The following ATP2C2 variants were observed in gnomAD, a reference collection of about 807,000 sequenced individuals.
ATP2C2 encodes calcium-transporting ATPase type 2C member 2.
A neutral mutation model predicts 110.8 loss-of-function variants in ATP2C2; 171 were observed. That is an observed-to-expected ratio of 1.54 (90% CI 1.36 to 1.75). The LOEUF is 1.75. Ranked by LOEUF, ATP2C2 falls within the 40% of genes most tolerant of loss-of-function variation. The pLI is 0.00. For missense variants in ATP2C2, 1,963 were observed against 1,235.0 expected, an observed-to-expected ratio of 1.59 and a Z score of -8.84; for synonymous variants, 804 against 508.4, an observed-to-expected ratio of 1.58 and a Z score of -7.82.
At chr16:84,410,013 C>G (rs902790138) in intron 4 of ATP2C2, among the ~76,000 whole-genome samples, 2 of 152,056 alleles carry the variant, frequency 1.3e-5, no homozygotes, top group African/African-American at 4.8e-5. Context: ...TCGAGACCAT[C>G]CTGGCCCACA....
At chr16:84,442,870 T>G (rs1909399757) in intron 15 of ATP2C2, among the ~76,000 whole-genome samples, 1 of 152,094 alleles carries the variant, frequency 6.6e-6, no homozygotes, top group Non-Finnish European at 1.5e-5. Flanking sequence ...CAGGCCCTGG[T>G]CAGGTGTTGA....
intron 22 of ATP2C2, 27 bp downstream of exon 22, chr16:84,459,215 T>C (rs777692076): frequency 6.2e-7 from 1 of 1,614,182 alleles, no homozygotes; most frequent in South Asian, 1.1e-5. Flanking sequence ...ATTCCGAGTG[T>C]CATTAAGCAC....
chr16:84,453,412 C>G, intron 20 of ATP2C2, 41 bp downstream of exon 20: 1 of 1,611,630 alleles, frequency 6.2e-7, no homozygotes. Context: ...CTGCTGGGGC[C>G]GGGCCAGAGA....
At chr16:84,384,976 G>A (rs1257141653) in intron 1 of ATP2C2, among the ~76,000 whole-genome samples, 1 of 152,232 alleles carries the variant, frequency 6.6e-6, no homozygotes, top group Non-Finnish European at 1.5e-5. Flanking sequence ...TTGAACCCAG[G>A]AGGCGGAGGT....
chr16:84,400,199 G>T (rs1905230406), intron 2 of ATP2C2, among the ~76,000 whole-genome samples: 1 of 152,004 alleles, frequency 6.6e-6, no homozygotes, highest in Non-Finnish European at 1.5e-5. Context: ...CCAAACCTTG[G>T]CTATTGTGAA....
At chr16:84,407,884 G>A (rs1365622777) in intron 3 of ATP2C2, among the ~76,000 whole-genome samples, 1 of 152,206 alleles carries the variant, frequency 6.6e-6, no homozygotes, top group Non-Finnish European at 1.5e-5. Flanking sequence ...ACCATGAGAT[G>A]TCTCTGAAAT....
rs751643113 is a variant in ATP2C2, at chr16:84,442,599, G to C, written c.1401G>C (p.Lys467Asn). The C allele has an allele frequency of 1.2e-6, 2 of 1,613,862 alleles. No homozygotes were observed. Among genetic ancestry groups the C allele is most frequent in the Admixed American group, 1.7e-5 (1 of 60,008 alleles). The change falls in exon 15 of 27, where the codon AAG (lysine) becomes AAC (asparagine). Residue 467 changes from lysine to asparagine, a missense_variant and splice_region_variant. Physicochemically the swap from Lys to Asn is moderately conservative, Grantham distance 94. Coordinates refer to ENST00000262429, the MANE Select transcript of ATP2C2 (RefSeq NM_014861.4). ...TEGALMALAM[K>N]MDLSDIKNSY... ...GTGCATTGATGGCCCTGGCGATGAAGGTAGGAGGTCCTGGGGTGGCTCTGC... is the reference window on the plus strand; with the variant it reads ...GTGCATTGATGGCCCTGGCGATGAACGTAGGAGGTCCTGGGGTGGCTCTGC...
chr16:84,412,773 C>T (rs1470867262), intron 6 of ATP2C2, among the ~76,000 whole-genome samples: 1 of 151,864 alleles, frequency 6.6e-6, no homozygotes, highest in East Asian at 1.9e-4. Flanking sequence ...CTTTCCCGAA[C>T]ATACCTGGCT....
chr16:84,395,398 G>A (rs955120094), intron 1 of ATP2C2, among the ~76,000 whole-genome samples: 1 of 152,004 alleles, frequency 6.6e-6, no homozygotes, highest in East Asian at 1.9e-4. Context: ...TCCAGAGCAC[G>A]TGACAAAGGT....
chr16:84,401,636 C>T (rs1006627874), intron 2 of ATP2C2, among the ~76,000 whole-genome samples: 2 of 152,154 alleles, frequency 1.3e-5, no homozygotes, highest in African/African-American at 4.8e-5. Flanking sequence ...AACGAGTTCA[C>T]TGTAGATGTA....
chr16:84,429,523 C>G (rs11641459), intron 11 of ATP2C2, among the ~76,000 whole-genome samples: 1 of 151,944 alleles, frequency 6.6e-6, no homozygotes, highest in African/African-American at 2.4e-5. Flanking sequence ...GTGATCTGTT[C>G]GTATCACTTT....
rs1181516626 is a variant in ATP2C2, at chr16:84,448,514, T to A, written c.1504-19T>A. On this transcript the variant is annotated intron_variant, in intron 16 of 26. Transcript: ENST00000262429. Reference sequence around the variant, plus strand: ...AGGCTTCCAGTGATAGTGGATTTCTTCCCTTTGTCTTTTCTAAGGATCAGG... The same window carrying A: ...AGGCTTCCAGTGATAGTGGATTTCTACCCTTTGTCTTTTCTAAGGATCAGG... The A allele has an allele frequency of 6.3e-7, 1 of 1,598,628 alleles. No homozygotes were observed. The highest frequency in any genetic ancestry group is 1.3e-5 in the African/African-American group (1 of 74,632).
At chr16:84,379,348 A>T (rs140682859) in intron 1 of ATP2C2, among the ~76,000 whole-genome samples, 10 of 152,190 alleles carry the variant, frequency 6.6e-5, no homozygotes, top group Non-Finnish European at 4.4e-5. Flanking sequence ...CTAATTTTTG[A>T]ACAGATGGGG....
chr16:84,460,855 T>G, intron 24 of ATP2C2, 54 bp downstream of exon 24: 1 of 1,551,686 alleles, frequency 6.4e-7, no homozygotes, highest in Non-Finnish European at 8.7e-7. Flanking sequence ...GTGCAGACGC[T>G]GGGGACTGCA....
chr16:84,425,409 C>A (rs945176586), intron 10 of ATP2C2, among the ~76,000 whole-genome samples: 13 of 152,208 alleles, frequency 8.5e-5, no homozygotes, highest in Admixed American at 7.2e-4. Flanking sequence ...ACAAACACCA[C>A]ATGGGGGGAT....
intron 15 of ATP2C2, 98 bp downstream of exon 15, chr16:84,442,697 A>G (rs746589696): frequency 8.7e-5 from 101 of 1,159,136 alleles, no homozygotes; most frequent in Non-Finnish European, 1.2e-4. Flanking sequence ...AGGAGTGGGG[A>G]CGTTAGGTAA....
intron 1 of ATP2C2, among the ~76,000 whole-genome samples, chr16:84,390,054 G>A (rs575810804): frequency 5.3e-5 from 8 of 152,260 alleles, no homozygotes; most frequent in African/African-American, 1.7e-4. Flanking sequence ...CAGCCCTGTG[G>A]ACCCCGGCTG....
intron 24 of ATP2C2, chr16:84,461,238 G>C (rs771500794): frequency 3.9e-5 from 10 of 258,932 alleles, no homozygotes; most frequent in Non-Finnish European, 5.2e-5. Context: ...GACGGGCCAC[G>C]ATCTAGGTGG....
chr16:84,459,698 G>T, intron 23 of ATP2C2: 1 of 1,058,984 alleles, frequency 9.4e-7, no homozygotes, highest in Non-Finnish European at 1.4e-6. Context: ...CCTTCAGGAA[G>T]TCTTCCCTGA....
Sources: gnomAD v4.1 joint callset for allele counts (sites outside exome capture counted in the v4.1 genomes callset) on GRCh38, gnomAD v4.1.1 for gene constraint, MANE v1.5 for transcripts, NCBI Gene and HGNC (gene_info 2026-07-23, HGNC 2026-07-21) for gene names.